The following ZNF2 variants were observed in gnomAD, a reference collection of about 807,000 sequenced individuals.
The protein encoded by ZNF2 is zinc finger protein 2.2.
In ZNF2, 12 loss-of-function variants were observed where a neutral mutation model predicts 21.9. That is an observed-to-expected ratio of 0.55 (90% CI 0.35 to 0.89). The LOEUF is 0.89. Ranked by LOEUF, ZNF2 falls within the 40% of genes least tolerant of loss-of-function variation. The pLI, the probability that ZNF2 is intolerant of heterozygous loss-of-function variation, is 0.01. For synonymous variants in ZNF2, 186 were observed against 196.3 expected (o/e 0.95, Z 0.44); for missense variants, 462 against 544.2 (o/e 0.85, Z 1.50).
At chr2:95,180,416 T>G in intron 4 of ZNF2, 144 bp downstream of exon 4, 1 of 574,312 alleles carries the variant, frequency 1.7e-6, no homozygotes, top group Non-Finnish European at 3.1e-6. Context: ...TAGCTTTTAT[T>G]TTTTTCCCTC....
chr2:95,176,378 A>G (rs1674446045), intron 2 of ZNF2, 119 bp downstream of exon 2: 1 of 1,193,590 alleles, frequency 8.4e-7, no homozygotes. Flanking sequence ...AGGACTCCAC[A>G]GGGAGTATTT....
chr2:95,167,086 G>GA (rs1173358275), intron 1 of ZNF2, among the ~76,000 whole-genome samples: 1 of 152,140 alleles, frequency 6.6e-6, no homozygotes, highest in African/African-American at 2.4e-5. Context: ...CAAAAGTGGG[G>GA]AAAAAGAGTC....
At chr2:95,166,520 A>G (rs1674048668) in intron 1 of ZNF2, among the ~76,000 whole-genome samples, 1 of 152,174 alleles carries the variant, frequency 6.6e-6, no homozygotes, top group South Asian at 2.1e-4. Flanking sequence ...GACTGACACG[A>G]ATGAAACTAT....
chr2:95,176,370 G>A (rs1376705178), intron 2 of ZNF2, 111 bp downstream of exon 2: 10 of 1,265,044 alleles, frequency 7.9e-6, no homozygotes, highest in Non-Finnish European at 1.1e-5. Flanking sequence ...GCAGATGAAG[G>A]ACTCCACAGG....
At chr2:95,179,885 C>T (rs1021993973) in intron 3 of ZNF2, among the ~76,000 whole-genome samples, 51 of 152,146 alleles carry the variant, frequency 3.4e-4, no homozygotes, top group African/African-American at 1.2e-3. Flanking sequence ...GGCAAAGCCC[C>T]ATCTCTACTA....
chr2:95,168,756 T>G (rs554765753), intron 1 of ZNF2, among the ~76,000 whole-genome samples: 15 of 152,340 alleles, frequency 9.8e-5, no homozygotes, highest in African/African-American at 3.1e-4. Flanking sequence ...ACTGTTGGCT[T>G]AAGTAACTCA....
Position 95,181,730 on chromosome 2 carries a change from C to A in ZNF2, c.902C>A (p.Thr301Asn). The A allele has an allele frequency of 6.2e-7, 1 of 1,614,204 alleles. No individual in the cohort carries two copies. Among genetic ancestry groups the A allele is most frequent in the Non-Finnish European group, 8.5e-7 (1 of 1,180,044 alleles). The change falls in exon 5 of 5, where the codon ACT becomes AAT. Residue 301 changes from threonine (T) to asparagine (N), a missense_variant. Thr to Asn is a moderately conservative substitution (Grantham distance 65). Transcript: ENST00000614034. Reference protein sequence around the residue: ...GKAFSQKSILTRHQLIHTGRK... With the variant: ...GKAFSQKSILNRHQLIHTGRK... ...GCCTTTAGCCAGAAAAGTATTCTTACTCGCCATCAGCTAATCCACACTGGC... is the reference window on the plus strand; with the variant it reads ...GCCTTTAGCCAGAAAAGTATTCTTAATCGCCATCAGCTAATCCACACTGGC...
intron 4 of ZNF2, 25 bp from the exon 5 acceptor site, chr2:95,181,078 T>C: frequency 6.2e-7 from 1 of 1,600,350 alleles, no homozygotes; most frequent in Non-Finnish European, 8.5e-7. Flanking sequence ...GGAAAAAAAC[T>C]GCATCTGTTT....
intron 3 of ZNF2, among the ~76,000 whole-genome samples, chr2:95,179,475 C>T (rs1037996035): frequency 6.6e-6 from 1 of 152,158 alleles, no homozygotes; most frequent in South Asian, 2.1e-4. Context: ...AACAAATAAA[C>T]AAAAATGGGC....
At chr2:95,169,673 CG>C (rs1172077316) in intron 1 of ZNF2, among the ~76,000 whole-genome samples, 1 of 152,012 alleles carries the variant, frequency 6.6e-6, no homozygotes, top group Non-Finnish European at 1.5e-5. Context: ...TCGCTTGAAC[CG>C]GGGAGGCAGA....
rs1232386162 is a variant in ZNF2 at position 95,177,975 on chromosome 2, A to G, written c.160+366A>G. Among the ~76,000 whole-genome samples, 3 of 152,308 alleles carry G rather than the reference A, an allele frequency of 2.0e-5. No individual in the cohort carries two copies. The East Asian group carries it at 5.8e-4, about 30-fold the overall frequency. On this transcript the variant is annotated intron_variant, in intron 3 of 4. Transcript: ENST00000614034. ...AGAAGACGCTGAGTTTCATATGCCC[A>G]GTTCTCCCAGTTCGCCAGTTAGGTA...
rs367697676 is a variant in ZNF2, at chr2:95,181,255, G to A, written c.427G>A (p.Gly143Arg). ...GGGAACAGAAAAGCAAAGCCCTTCA[G>A]GGGAGACTCGTAAGAAATCCCTCTC... ...RMGTEKQSPS[G>R]ETRKKSLSRD... The change falls in exon 5 of 5, where the codon GGG becomes AGG. Residue 143 changes from glycine to arginine, a missense_variant. Coordinates refer to ENST00000614034, the MANE Select transcript of ZNF2 (RefSeq NM_021088.4). The A allele has an allele frequency of 4.8e-5, 77 of 1,614,100 alleles. No individual in the cohort carries two copies. The highest frequency in any genetic ancestry group is 6.4e-5 in the Non-Finnish European group (75 of 1,180,038).
intron 3 of ZNF2, 97 bp from the exon 4 acceptor site, chr2:95,180,062 C>A: frequency 1.1e-6 from 1 of 872,490 alleles, no homozygotes; most frequent in Non-Finnish European, 1.9e-6. Context: ...GTCTCAACAA[C>A]AACAAAAAAA....
rs778229377 is a variant in ZNF2, at chr2:95,181,554, G to A, written c.726G>A (p.Ser242=). ...GCTCAAAAGCCTTCTTTGACCGTTC[G>A]TCCCTAACTGTCCATCAGCGAATTC... is the stretch of plus-strand genomic sequence containing the variant. ...SVCSKAFFDR[S]SLTVHQRIHT... The change falls in exon 5 of 5, where the codon TCG becomes TCA. Residue 242 remains serine (S), a synonymous_variant. Transcript: ENST00000614034. 5.3e-5 allele frequency: 85 copies of A among 1,613,954 alleles called. No homozygotes were observed. Among genetic ancestry groups the A allele is most frequent in the Admixed American group, 1.5e-4 (9 of 60,000 alleles).
chr2:95,179,018 G>A (rs1674547202), intron 3 of ZNF2, among the ~76,000 whole-genome samples: 1 of 145,216 alleles, frequency 6.9e-6, no homozygotes, highest in South Asian at 2.2e-4. Context: ...TTGAGACAGA[G>A]TCTCACTCTG....
rs1309235627 is a variant in ZNF2, at chr2:95,181,903, C to T, written c.1075C>T (p.His359Tyr). ...AFFDRSSLTQ[H>Y]QKIHTGDKPY... ...CTTTGACCGCTCATCCCTTACACAG[C>T]ATCAGAAGATCCACACTGGAGACAA... is the stretch of plus-strand genomic sequence containing the variant. Residue 359 changes from histidine to tyrosine, a missense_variant, in exon 5 of 5, where the codon CAT (histidine) becomes TAT (tyrosine). By Grantham distance (83) the His-to-Tyr change is moderately conservative. Transcript: ENST00000614034. 6.2e-7 allele frequency: 1 copy of T among 1,613,980 alleles called. No individual in the cohort carries two copies. The highest frequency in any genetic ancestry group is 8.5e-7 in the Non-Finnish European group (1 of 1,180,002).
intron 1 of ZNF2, among the ~76,000 whole-genome samples, chr2:95,172,129 T>G (rs1395580644): frequency 6.6e-6 from 1 of 152,350 alleles, no homozygotes; most frequent in Middle Eastern, 3.4e-3. Context: ...AGGAAGCTCA[T>G]TGGAGACTCA....
At chr2:95,179,401 A>C (rs1674559894) in intron 3 of ZNF2, among the ~76,000 whole-genome samples, 2 of 152,332 alleles carry the variant, frequency 1.3e-5, no homozygotes, top group Non-Finnish European at 2.9e-5. Flanking sequence ...GCTTGTATAC[A>C]CTTCTAATTT....
At position 95,181,710 on chromosome 2, in the gene ZNF2, T is replaced by G. The variant is rs1674669223; in HGVS notation, c.882T>G (p.Phe294Leu). 1 of 1,614,210 alleles carries G rather than the reference T, an allele frequency of 6.2e-7. No individual in the cohort carries two copies. The highest frequency in any genetic ancestry group is 1.1e-5 in the South Asian group (1 of 91,092). ...PYECHQCGKAFSQKSILTRHQ... is the reference protein window; with the variant it reads ...PYECHQCGKALSQKSILTRHQ... ...AATGTCATCAGTGTGGGAAAGCCTT[T>G]AGCCAGAAAAGTATTCTTACTCGCC... The change falls in exon 5 of 5, where the codon TTT becomes TTG. Residue 294 changes from phenylalanine (F) to leucine (L), a missense_variant. Coordinates refer to ENST00000614034, the MANE Select transcript of ZNF2 (RefSeq NM_021088.4).
Sources: allele counts gnomAD v4.1 joint callset (sites outside exome capture counted in the v4.1 genomes callset), GRCh38; gene constraint gnomAD v4.1.1; transcripts MANE v1.5; gene names NCBI Gene and HGNC (gene_info 2026-07-23, HGNC 2026-07-21).